RANBP2: variants seen among roughly 807,000 people sequenced by gnomAD.
The protein encoded by RANBP2 is RAN binding protein 2, also known as E3 SUMO-protein ligase RanBP2.
RANBP2 carries 57 observed loss-of-function variants against 303.6 expected under a neutral mutation model. That is an observed-to-expected ratio of 0.19 (90% CI 0.15 to 0.23). The LOEUF is 0.23. Among genes scored for constraint, RANBP2 ranks in the 10% least tolerant of loss-of-function variants. The pLI is 1.00. For missense variants in RANBP2, 3,138 were observed against 3,780.8 expected (o/e 0.83, Z 4.46); for synonymous variants, 1,167 against 1,301.5 (o/e 0.90, Z 2.23).
At chr2:109,606,827 GCA>G in the RANBP2 span, among the ~76,000 whole-genome samples, 1 of 151,696 alleles carries the variant, frequency 6.6e-6, no homozygotes, top group Non-Finnish European at 1.5e-5. Context: ...CTACAGGCAC[GCA>G]CCACTAGGCA....
At chr2:109,388,668 G>A in the RANBP2 span, among the ~76,000 whole-genome samples, 314 of 152,340 alleles carry the variant, frequency 2.1e-3, 5 homozygotes, top group African/African-American at 7.2e-3. Context: ...TATCGAGCAT[G>A]TACTTTGCCC....
At chr2:109,238,492 TGTGTGTGAGA>T in the RANBP2 span, among the ~76,000 whole-genome samples, 18 of 127,546 alleles carry the variant, frequency 1.4e-4, no homozygotes, top group African/African-American at 5.6e-4. Context: ...TGTGTGTGTG[TGTGTGTGAGA>T]GTGAGACAGA....
chr2:109,711,536 C>T, the RANBP2 span, among the ~76,000 whole-genome samples: 3 of 152,340 alleles, frequency 2.0e-5, no homozygotes, highest in South Asian at 2.1e-4. Flanking sequence ...CTTGCCTACA[C>T]GGTTCTGAGG....
At chr2:108,929,239 C>A in the RANBP2 span, 1 of 1,614,160 alleles carries the variant, frequency 6.2e-7, no homozygotes, top group Non-Finnish European at 8.5e-7. Context: ...TCTCCATGTC[C>A]CCTGGTGTCA....
the RANBP2 span, among the ~76,000 whole-genome samples, chr2:109,473,084 G>T: frequency 6.6e-6 from 1 of 152,236 alleles, no homozygotes; most frequent in African/African-American, 2.4e-5. Context: ...CGAGTCCCAA[G>T]AATCTAAAGA....
chr2:109,154,634 G>A, the RANBP2 span, among the ~76,000 whole-genome samples: 1 of 152,176 alleles, frequency 6.6e-6, no homozygotes, highest in African/African-American at 2.4e-5. Flanking sequence ...CCTGGCTTCT[G>A]GCCTCCAAAT....
the RANBP2 span, among the ~76,000 whole-genome samples, chr2:108,963,318 A>G: frequency 6.6e-6 from 1 of 152,250 alleles, no homozygotes; most frequent in Non-Finnish European, 1.5e-5. Context: ...TGAGAAAAGA[A>G]TTCAATTTGC....
the RANBP2 span, among the ~76,000 whole-genome samples, chr2:109,407,128 G>T: frequency 6.6e-6 from 1 of 152,226 alleles, no homozygotes; most frequent in Non-Finnish European, 1.5e-5. Context: ...TGGGTCCAGA[G>T]TGTGGTCAGA....
At chr2:108,743,481 C>G (rs907366087) in intron 7 of RANBP2, among the ~76,000 whole-genome samples, 2 of 152,114 alleles carry the variant, frequency 1.3e-5, no homozygotes, top group African/African-American at 4.8e-5. Context: ...TGCTATGTTT[C>G]CCAGGCTGGT....
chr2:109,496,646 G>A, the RANBP2 span, among the ~76,000 whole-genome samples: 1 of 152,206 alleles, frequency 6.6e-6, no homozygotes, highest in South Asian at 2.1e-4. Flanking sequence ...TGGCCTGTGA[G>A]TTATATGGCT....
chr2:109,547,369 G>GTTTTTTTTTTTTTTTTTTTTTT, the RANBP2 span, among the ~76,000 whole-genome samples: 2 of 117,874 alleles, frequency 1.7e-5, no homozygotes, highest in African/African-American at 3.2e-5. Flanking sequence ...TAATAAACTT[G>GTTTTTTTTTTTTTTTTTTTTTT]TTTTTTTTTT....
intron 21 of RANBP2, 64 bp from the exon 22 acceptor site, chr2:108,772,425 G>T (rs1677571635): frequency 7.7e-7 from 1 of 1,290,942 alleles, no homozygotes; most frequent in Admixed American, 1.7e-5. Context: ...GTTGGAGGTA[G>T]TCCCTAAGCA....
At chr2:109,398,069 T>A in the RANBP2 span, among the ~76,000 whole-genome samples, 4 of 152,238 alleles carry the variant, frequency 2.6e-5, no homozygotes, top group African/African-American at 9.6e-5. Context: ...CTGTGGTTTA[T>A]GCTGACCAGA....
the RANBP2 span, among the ~76,000 whole-genome samples, chr2:109,156,690 G>C: frequency 6.6e-6 from 1 of 152,080 alleles, no homozygotes; most frequent in African/African-American, 2.4e-5. Flanking sequence ...AGGTGATCTC[G>C]CCTCGGCCTC....
the RANBP2 span, among the ~76,000 whole-genome samples, chr2:109,205,450 A>G: frequency 6.6e-6 from 1 of 152,058 alleles, no homozygotes; most frequent in Non-Finnish European, 1.5e-5. Context: ...GGGTTTCACC[A>G]TGTTGGCCAG....
chr2:109,647,973 T>C, the RANBP2 span, among the ~76,000 whole-genome samples: 310 of 152,296 alleles, frequency 2.0e-3, 1 homozygote, highest in Non-Finnish European at 3.2e-3. Context: ...CCTAACCCTT[T>C]GCTGAGCTGC....
chr2:108,733,257 C>CTTTT (rs34665362), intron 4 of RANBP2, among the ~76,000 whole-genome samples: 15 of 85,002 alleles, frequency 1.8e-4, no homozygotes, highest in East Asian at 4.9e-4. Flanking sequence ...TAACCATTCC[C>CTTTT]TTTTTTTTTT....
chr2:109,274,911 C>T, the RANBP2 span, among the ~76,000 whole-genome samples: 1 of 151,310 alleles, frequency 6.6e-6, no homozygotes, highest in South Asian at 2.1e-4. Context: ...GGCTGCACAA[C>T]ATTGTGAATG....
chr2:109,258,772 CT>C, the RANBP2 span, among the ~76,000 whole-genome samples: 1 of 152,242 alleles, frequency 6.6e-6, no homozygotes, highest in Non-Finnish European at 1.5e-5. Flanking sequence ...GCCTGCACTG[CT>C]GTTGTCCTTC....
Sources: gnomAD v4.1 joint callset for allele counts (sites outside exome capture counted in the v4.1 genomes callset) on GRCh38, gnomAD v4.1.1 for gene constraint, MANE v1.5 for transcripts, NCBI Gene and HGNC (gene_info 2026-07-23, HGNC 2026-07-21) for gene names.